Variants in IQCM observed in about 807,000 individuals in gnomAD.
IQCM encodes IQ domain-containing protein M.
Under a neutral mutation model 57.6 loss-of-function variants are expected in IQCM, and 45 were observed. That is an observed-to-expected ratio of 0.78 (90% confidence interval 0.62 to 1.00). The LOEUF is 1.00. Among genes scored for constraint, IQCM ranks in the 50% least tolerant of loss-of-function variants. IQCM has a pLI of 0.00. For synonymous variants in IQCM, 148 were observed against 158.9 expected (o/e 0.93, Z 0.51); for missense variants, 468 against 511.6 (o/e 0.91, Z 0.82).
chr4:149,376,828 T>C (rs1400007997), intron 13 of IQCM, among the ~76,000 whole-genome samples: 1 of 152,188 alleles, frequency 6.6e-6, no homozygotes, highest in African/African-American at 2.4e-5. Flanking sequence ...CACACATCTT[T>C]CTGCTCTTTG....
chr4:149,430,122 CT>C, intron 13 of IQCM: 3 of 735,460 alleles, frequency 4.1e-6, no homozygotes, highest in Non-Finnish European at 5.6e-6. Flanking sequence ...AATTTTCCTT[CT>C]TTTTTGTTCT....
intron 13 of IQCM, among the ~76,000 whole-genome samples, chr4:149,393,778 T>G (rs1421259224): frequency 2.0e-5 from 3 of 151,884 alleles, no homozygotes; most frequent in Admixed American, 6.6e-5. Context: ...AGAATAGAGA[T>G]AATTTTAGAA....
At chr4:149,538,849 C>G (rs1579412937) in intron 12 of IQCM, among the ~76,000 whole-genome samples, 2 of 151,952 alleles carry the variant, frequency 1.3e-5, no homozygotes, top group East Asian at 3.9e-4. Context: ...CTTTGCTTTT[C>G]AGGAATGCCA....
intron 9 of IQCM, among the ~76,000 whole-genome samples, chr4:149,578,576 T>C (rs1403734964): frequency 6.6e-6 from 1 of 151,730 alleles, no homozygotes; most frequent in Non-Finnish European, 1.5e-5. Context: ...TAGTCAGTCA[T>C]GGAGAAGAGC....
intron 12 of IQCM, among the ~76,000 whole-genome samples, chr4:149,536,759 A>G (rs1334524990): frequency 6.6e-6 from 1 of 152,188 alleles, no homozygotes; most frequent in East Asian, 1.9e-4. Flanking sequence ...GGATTGCTTC[A>G]ACCAAGGAAG....
Position 149,712,922 on chromosome 4 carries a change from G to A in IQCM, c.385+20322C>T, listed in dbSNP as rs140256096. 3.6e-3 allele frequency among the ~76,000 whole-genome samples: 551 copies of A among 152,102 alleles called. 3 individuals carry two copies. Among genetic ancestry groups the A allele is most frequent in the African/African-American group, 0.012 (501 of 41,492 alleles). On this transcript the variant is annotated intron_variant, in intron 5 of 13. Coordinates refer to ENST00000636793, the MANE Select transcript of IQCM (RefSeq NM_001363507.2). ...GGTACAAATTAACTGCCTAGGTCAG[G>A]ATACAAATAAGGGGCCTTATCAGGA...
intron 2 of IQCM, among the ~76,000 whole-genome samples, chr4:149,770,698 G>C (rs1310545761): frequency 1.3e-5 from 2 of 151,924 alleles, no homozygotes; most frequent in Non-Finnish European, 2.9e-5. Context: ...TAGATTTAGG[G>C]AAAAACAAGT....
At chr4:149,626,303 G>T (rs1055710737) in intron 7 of IQCM, among the ~76,000 whole-genome samples, 1 of 150,768 alleles carries the variant, frequency 6.6e-6, no homozygotes, top group African/African-American at 2.4e-5. Flanking sequence ...TTTGGAGCTC[G>T]CATTGGCTCT....
chr4:149,466,040 G>A (rs1196877038), intron 12 of IQCM, among the ~76,000 whole-genome samples: 4 of 152,148 alleles, frequency 2.6e-5, no homozygotes, highest in African/African-American at 4.8e-5. Flanking sequence ...TAATAGCATT[G>A]AGTAAACTAG....
intron 13 of IQCM, among the ~76,000 whole-genome samples, chr4:149,383,276 C>T (rs1731201625): frequency 6.6e-6 from 1 of 152,052 alleles, no homozygotes; most frequent in Non-Finnish European, 1.5e-5. Context: ...ATATTTTTGA[C>T]TTTCTCCAGT....
chr4:149,456,997 C>T (rs1449611226), intron 12 of IQCM, among the ~76,000 whole-genome samples: 3 of 152,002 alleles, frequency 2.0e-5, no homozygotes, highest in Non-Finnish European at 2.9e-5. Flanking sequence ...CCTGTTGAAA[C>T]ATTTTAAAAA....
At chr4:149,587,875 T>C (rs1409261026) in intron 9 of IQCM, 55 bp downstream of exon 9, 1 of 821,648 alleles carries the variant, frequency 1.2e-6, no homozygotes, top group East Asian at 3.4e-5. Flanking sequence ...ATTACATTGA[T>C]AACAACAAAA....
intron 2 of IQCM, among the ~76,000 whole-genome samples, chr4:149,754,795 C>A (rs2149945741): frequency 6.6e-6 from 1 of 152,274 alleles, no homozygotes. Context: ...TTAGTCCTGG[C>A]TCATGGCTTT....
At chr4:149,692,015 T>G (rs529483811) in intron 5 of IQCM, among the ~76,000 whole-genome samples, 1 of 152,286 alleles carries the variant, frequency 6.6e-6, no homozygotes, top group African/African-American at 2.4e-5. Context: ...AGACAATTAG[T>G]ACTCACCAAA....
intron 13 of IQCM, among the ~76,000 whole-genome samples, chr4:149,359,307 T>C (rs1729308592): frequency 6.6e-6 from 1 of 152,118 alleles, no homozygotes; most frequent in Non-Finnish European, 1.5e-5. Context: ...ATAATACCGG[T>C]ATTTTAAAGT....
intron 12 of IQCM, among the ~76,000 whole-genome samples, chr4:149,509,169 A>G (rs1440155018): frequency 6.6e-6 from 1 of 152,172 alleles, no homozygotes; most frequent in African/African-American, 2.4e-5. Flanking sequence ...CATCCTCAAT[A>G]TGTTTTGCAG....
At position 149,563,775 on chromosome 4, in the gene IQCM, T is replaced by C; in HGVS notation, c.865A>G (p.Lys289Glu). The change falls in exon 10 of 14, where the codon AAA (lysine) becomes GAA (glutamate). Residue 289 changes from lysine (K) to glutamate (E), a missense_variant. Transcript: ENST00000636793. Reference protein sequence around the residue: ...RERKKFMITPKLIRMVTVMQA... With the variant: ...RERKKFMITPELIRMVTVMQA... ...ATGACGGTGACCATTCTAATCAATT[T>C]TGGGGTAATCATGAATTTTTTTCTT... is the stretch of plus-strand genomic sequence containing the variant. The C allele has an allele frequency of 2.4e-6, 3 of 1,232,046 alleles. No homozygotes were observed. The highest frequency in any genetic ancestry group is 3.1e-4 in the Middle Eastern group (1 of 3,208). The allele number at this position is 1,232,046 out of a possible 1,614,324, so 76.3% of individuals were successfully genotyped here. A position where few individuals can be genotyped will look rare whatever the true frequency, so the allele number is the denominator to read the frequency against.
At chr4:149,721,012 A>C (rs1033969377) in intron 5 of IQCM, among the ~76,000 whole-genome samples, 2 of 152,200 alleles carry the variant, frequency 1.3e-5, no homozygotes, top group Non-Finnish European at 2.9e-5. Flanking sequence ...TGTAGGAATG[A>C]GTAAAAACAT....
At chr4:149,727,421 T>C (rs1166687436) in intron 5 of IQCM, among the ~76,000 whole-genome samples, 1 of 152,166 alleles carries the variant, frequency 6.6e-6, no homozygotes, top group Non-Finnish European at 1.5e-5. Flanking sequence ...CCACACCTAA[T>C]CTTTCAGCAA....
Sources: allele counts gnomAD v4.1 joint callset (sites outside exome capture counted in the v4.1 genomes callset), GRCh38; gene constraint gnomAD v4.1.1; transcripts MANE v1.5; gene names NCBI Gene and HGNC (gene_info 2026-07-23, HGNC 2026-07-21).